SEMA5A: variants seen among roughly 807,000 people sequenced by gnomAD.
SEMA5A encodes the protein semaphorin-5A.
Under a neutral mutation model 135.5 loss-of-function variants are expected in SEMA5A, and 55 were observed. The observed-to-expected ratio is 0.41, with a 90% CI of 0.33 to 0.51. The LOEUF (loss-of-function observed/expected upper bound fraction) is 0.51. SEMA5A is among the 20% of genes least tolerant of loss of function. The pLI is 0.37. For synonymous variants in SEMA5A, 580 were observed against 546.5 expected, an observed-to-expected ratio of 1.06 and a Z score of -0.85; for missense variants, 1,290 against 1,419.9, an observed-to-expected ratio of 0.91 and a Z score of 1.47.
chr5:9,125,833 C>A (rs1741080073), intron 13 of SEMA5A, among the ~76,000 whole-genome samples: 2 of 151,732 alleles, frequency 1.3e-5, no homozygotes, highest in Admixed American at 1.3e-4. Context: ...AAAGACCCTA[C>A]CATTTGGGAT....
chr5:9,066,659 C>T lies in SEMA5A; in HGVS notation c.2074-13G>A, dbSNP rs370609839. The stretch of plus-strand genomic sequence containing the variant: ...AAGACTGGTACTCCTGGGGAGAATG[C>T]GCAGACGAGTGTTACTATACGGGGT... On this transcript the variant is annotated splice_polypyrimidine_tract_variant and intron_variant, in intron 16 of 22. Coordinates refer to ENST00000382496, the MANE Select transcript of SEMA5A (RefSeq NM_003966.3). The T allele has an allele frequency of 8.7e-6, 14 of 1,611,260 alleles. No individual in the cohort carries two copies. The highest frequency in any genetic ancestry group is 2.2e-5 in the East Asian group (1 of 44,866).
intron 4 of SEMA5A, among the ~76,000 whole-genome samples, chr5:9,321,295 A>T (rs73742638): frequency 0.016 from 2,484 of 152,194 alleles, 63 homozygotes; most frequent in African/African-American, 0.057. Context: ...CTATTTCTTT[A>T]TAGTAGTGTG....
intron 1 of SEMA5A, among the ~76,000 whole-genome samples, chr5:9,465,315 A>G (rs1759217189): frequency 6.6e-6 from 1 of 152,242 alleles, no homozygotes; most frequent in Non-Finnish European, 1.5e-5. Flanking sequence ...CCAAGGGCTG[A>G]AACTTGCAGA....
chr5:9,059,259 A>G (rs1737056045), intron 18 of SEMA5A, among the ~76,000 whole-genome samples: 1 of 152,186 alleles, frequency 6.6e-6, no homozygotes, highest in Admixed American at 6.5e-5. Flanking sequence ...TTAGCAACAA[A>G]AAAACATCTG....
chr5:9,286,063 T>G (rs1750779955), intron 5 of SEMA5A, among the ~76,000 whole-genome samples: 1 of 152,186 alleles, frequency 6.6e-6, no homozygotes, highest in Non-Finnish European at 1.5e-5. Flanking sequence ...TTTAAAAGGA[T>G]GCTTCCTGAA....
Position 9,318,389 on chromosome 5 carries a change from C to G in SEMA5A, c.253G>C (p.Asp85His). ...RNYLFRLQLE[D>H]LSLIQAVEWE... Reference sequence around the variant, plus strand: ...GCACCTACCTGGATAAGAGACAGATCCTCAAGCTGTAACCTGAAGAGGTAG... The same window carrying G: ...GCACCTACCTGGATAAGAGACAGATGCTCAAGCTGTAACCTGAAGAGGTAG... Residue 85 changes from aspartate to histidine, a missense_variant, in exon 5 of 23, where the codon GAT becomes CAT. Physicochemically the swap from Asp to His is moderately conservative, Grantham distance 81. Around this residue, in one of 3 missense-constraint regions of SEMA5A, gnomAD observed 116 missense variants for 121.3 expected, o/e 0.96. Coordinates refer to ENST00000382496, the MANE Select transcript of SEMA5A (RefSeq NM_003966.3). 6.2e-7 allele frequency: 1 copy of G among 1,612,386 alleles called. No individual in the cohort carries two copies. The highest frequency in any genetic ancestry group is 8.5e-7 in the Non-Finnish European group (1 of 1,179,280).
intron 5 of SEMA5A, among the ~76,000 whole-genome samples, chr5:9,273,150 T>A (rs1381824532): frequency 6.6e-6 from 1 of 152,032 alleles, no homozygotes; most frequent in Non-Finnish European, 1.5e-5. Flanking sequence ...ATAAATGATC[T>A]GATGGAGCTG....
chr5:9,356,407 C>A (rs1481341537), intron 3 of SEMA5A, among the ~76,000 whole-genome samples: 2 of 152,092 alleles, frequency 1.3e-5, no homozygotes, highest in Non-Finnish European at 2.9e-5. Flanking sequence ...TACAGTAACA[C>A]ACATTTTTTG....
At chr5:9,240,661 CTGTT>C (rs1448256260) in intron 5 of SEMA5A, among the ~76,000 whole-genome samples, 1 of 151,938 alleles carries the variant, frequency 6.6e-6, no homozygotes, top group Non-Finnish European at 1.5e-5. Flanking sequence ...TGAAATTAGG[CTGTT>C]TGTTTAACCT....
intron 1 of SEMA5A, among the ~76,000 whole-genome samples, chr5:9,508,822 C>G (rs1736051075): frequency 1.3e-5 from 2 of 152,182 alleles, no homozygotes; most frequent in African/African-American, 4.8e-5. Context: ...ACAGGTTTCA[C>G]AGCCATGTCT....
intron 12 of SEMA5A, among the ~76,000 whole-genome samples, chr5:9,144,918 G>A (rs560625429): frequency 3.0e-4 from 45 of 152,318 alleles, no homozygotes; most frequent in Admixed American, 7.2e-4. Context: ...AGGCAGAGCA[G>A]CAAATGATTG....
chr5:9,505,413 A>AT, intron 1 of SEMA5A, among the ~76,000 whole-genome samples: 1 of 152,184 alleles, frequency 6.6e-6, no homozygotes. Context: ...TCCATCAGTT[A>AT]TTTTCAATAA....
intron 18 of SEMA5A, among the ~76,000 whole-genome samples, chr5:9,061,828 T>G (rs1170273483): frequency 6.6e-6 from 1 of 152,160 alleles, no homozygotes; most frequent in African/African-American, 2.4e-5. Flanking sequence ...TTTGGAGGAC[T>G]TAATTAATGA....
chr5:9,191,698 A>G (rs1479757958), intron 10 of SEMA5A, among the ~76,000 whole-genome samples: 2 of 152,262 alleles, frequency 1.3e-5, no homozygotes, highest in Non-Finnish European at 2.9e-5. Flanking sequence ...TGATTGTAGA[A>G]AAAGAGAATC....
At position 9,406,081 on chromosome 5, in the gene SEMA5A, G is replaced by A. The variant is rs190985772; in HGVS notation, c.-77-26058C>T. Among the ~76,000 whole-genome samples, 1,002 of 152,286 alleles carry A rather than the reference G, an allele frequency of 6.6e-3. 6 individuals are homozygous for A. The highest frequency in any genetic ancestry group is 0.023 in the African/African-American group (947 of 41,556). On this transcript the variant is annotated intron_variant, in intron 2 of 22. Transcript: ENST00000382496. ...TTACGTAGTCAGAGAAGTAGACATG[G>A]AGGAAGAATTTGTTAGAAGCAAAAT...
intron 3 of SEMA5A, among the ~76,000 whole-genome samples, chr5:9,376,446 A>G (rs967417815): frequency 6.6e-6 from 1 of 152,146 alleles, no homozygotes; most frequent in African/African-American, 2.4e-5. Context: ...GCATGGCTTC[A>G]TCCTAGAAAC....
chr5:9,162,478 G>GAGTGTATATA, intron 11 of SEMA5A, among the ~76,000 whole-genome samples: 1 of 79,558 alleles, frequency 1.3e-5, no homozygotes, highest in Non-Finnish European at 3.7e-5. Context: ...ATATATGTGT[G>GAGTGTATATA]TGTGTATATA....
chr5:9,124,615 C>G (rs253658), intron 13 of SEMA5A, among the ~76,000 whole-genome samples: 6,142 of 152,154 alleles, frequency 0.04, 439 homozygotes, highest in African/African-American at 0.14. Flanking sequence ...TGTGACCACA[C>G]CAGCTAATTT....
intron 1 of SEMA5A, among the ~76,000 whole-genome samples, chr5:9,444,407 C>T (rs965079415): frequency 3.3e-5 from 5 of 152,176 alleles, no homozygotes; most frequent in Admixed American, 6.5e-5. Context: ...ATCCTCATAA[C>T]TTAGCTCCCA....
Sources: allele counts gnomAD v4.1 joint callset (sites outside exome capture counted in the v4.1 genomes callset), GRCh38; gene constraint gnomAD v4.1.1; regional missense constraint gnomAD v4.1.1; transcripts MANE v1.5; gene names NCBI Gene and HGNC (gene_info 2026-07-23, HGNC 2026-07-21).